The following HADHA variants were observed in gnomAD, a reference collection of about 807,000 sequenced individuals.
HADHA encodes the protein trifunctional enzyme subunit alpha, mitochondrial.
A neutral mutation model predicts 91.3 loss-of-function variants in HADHA; 59 were observed. That is an observed-to-expected ratio of 0.65 (90% CI 0.52 to 0.80). HADHA has a LOEUF of 0.80. Ranked by LOEUF, HADHA falls within the 30% of genes least tolerant of loss-of-function variation. HADHA has a pLI of 0.00. For missense variants in HADHA, 800 were observed against 927.6 expected, an observed-to-expected ratio of 0.86 and a Z score of 1.79; for synonymous variants, 320 against 338.9, an observed-to-expected ratio of 0.94 and a Z score of 0.61.
intron 7 of HADHA, among the ~76,000 whole-genome samples, chr2:26,219,834 C>A (rs377106284): frequency 6.6e-6 from 1 of 152,298 alleles, no homozygotes; most frequent in Non-Finnish European, 1.5e-5. Flanking sequence ...AGTCTACTAA[C>A]TCTTACTTGA....
At chr2:26,202,497 T>C (rs553369811) in intron 12 of HADHA, among the ~76,000 whole-genome samples, 6 of 152,240 alleles carry the variant, frequency 3.9e-5, no homozygotes, top group African/African-American at 1.2e-4. Context: ...TCCCAGCACT[T>C]TGGGAGGCTG....
chr2:26,244,153 G>T (rs1671007763), intron 1 of HADHA, among the ~76,000 whole-genome samples: 2 of 152,250 alleles, frequency 1.3e-5, no homozygotes, highest in Admixed American at 1.3e-4. Context: ...CTTGTTGCGG[G>T]GCAAGGTGCT....
chr2:26,190,953 T>G lies in HADHA; in HGVS notation c.*297A>C. 3.9e-6 allele frequency: 2 copies of G among 513,664 alleles called. No individual in the cohort carries two copies. 31.8% of individuals were successfully genotyped at this position (513,664 alleles called of 1,614,324 possible). Reference sequence around the variant, plus strand: ...ACCACCCCTGGCCACCCTGGCCTCTTGGGAGGAACAGGCAGAGAGGTGGCT... The same window carrying G: ...ACCACCCCTGGCCACCCTGGCCTCTGGGGAGGAACAGGCAGAGAGGTGGCT... On this transcript the variant is annotated 3_prime_UTR_variant, in exon 20 of 20. Coordinates refer to ENST00000380649, the MANE Select transcript of HADHA (RefSeq NM_000182.5).
At chr2:26,203,150 A>G (rs1669887425) in intron 12 of HADHA, among the ~76,000 whole-genome samples, 1 of 152,260 alleles carries the variant, frequency 6.6e-6, no homozygotes, top group Non-Finnish European at 1.5e-5. Flanking sequence ...ACAACTTGTT[A>G]TCTTACAATA....
rs1348750493 is a variant in HADHA at position 26,194,595 on chromosome 2, A to C, written c.1664T>G (p.Met555Arg). 7 of 1,612,410 alleles carry C rather than the reference A, an allele frequency of 4.3e-6. No homozygotes were observed. The highest frequency in any genetic ancestry group is 5.9e-6 in the Non-Finnish European group (7 of 1,178,460). Reference sequence around the variant, plus strand: ...CTGGAGGATTCGGATGACTTCAGACATCATGGGCGCAAGACACCTGGTAGT... The same window carrying C: ...CTGGAGGATTCGGATGACTTCAGACCTCATGGGCGCAAGACACCTGGTAGT... ...FYTTRCLAPM[M>R]SEVIRILQEG... The change falls in exon 16 of 20, where the codon ATG (methionine) becomes AGG (arginine). Residue 555 changes from methionine (M) to arginine (R), a missense_variant. Met to Arg is a moderately conservative substitution (Grantham distance 91). Transcript: ENST00000380649.
chr2:26,225,630 A>T (rs545126571), intron 7 of HADHA, among the ~76,000 whole-genome samples: 5 of 152,308 alleles, frequency 3.3e-5, no homozygotes, highest in African/African-American at 1.2e-4. Flanking sequence ...TAATAGACTA[A>T]AAAAGAAGAA....
chr2:26,204,305 T>C, intron 11 of HADHA, 109 bp from the exon 12 acceptor site: 1 of 927,006 alleles, frequency 1.1e-6, no homozygotes, highest in Non-Finnish European at 1.8e-6. Flanking sequence ...GGCACAACTA[T>C]AAGGTGTTTC....
intron 11 of HADHA, among the ~76,000 whole-genome samples, chr2:26,208,365 G>C (rs1670016600): frequency 6.6e-6 from 1 of 152,054 alleles, no homozygotes; most frequent in Non-Finnish European, 1.5e-5. Flanking sequence ...TTTCCAAGGG[G>C]TATTTTATTG....
intron 7 of HADHA, among the ~76,000 whole-genome samples, chr2:26,222,430 A>C (rs1216729569): frequency 6.6e-6 from 1 of 152,220 alleles, no homozygotes; most frequent in Non-Finnish European, 1.5e-5. Context: ...TGAATAGGCA[A>C]ATAATGTGAA....
intron 14 of HADHA, among the ~76,000 whole-genome samples, chr2:26,197,198 A>G (rs1480706434): frequency 1.3e-5 from 2 of 152,160 alleles, no homozygotes; most frequent in African/African-American, 4.8e-5. Flanking sequence ...GCAAAAATAA[A>G]TTTCTGGGCA....
intron 1 of HADHA, among the ~76,000 whole-genome samples, 179 bp downstream of exon 1, chr2:26,244,351 G>A (rs1671018617): frequency 6.6e-6 from 1 of 152,224 alleles, no homozygotes. Flanking sequence ...TCGTGAGAGG[G>A]GAAGTGACAG....
At chr2:26,231,765 A>C (rs991207761) in intron 6 of HADHA, among the ~76,000 whole-genome samples, 4 of 151,980 alleles carry the variant, frequency 2.6e-5, no homozygotes, top group Admixed American at 1.3e-4. Flanking sequence ...TCGGGAGTTC[A>C]AGACCAGCCT....
At chr2:26,194,466 G>A (rs536948255) in intron 16 of HADHA, 104 bp downstream of exon 16, 277 of 790,444 alleles carry the variant, frequency 3.5e-4, no homozygotes, top group Non-Finnish European at 5.2e-4. Flanking sequence ...AAGAGCAGGA[G>A]TTGGTGTATC....
In HADHA at chr2:26,193,779, A is replaced by C; in HGVS notation, c.1690-7T>G. On this transcript the variant is annotated splice_polypyrimidine_tract_variant and splice_region_variant and intron_variant, in intron 16 of 19. Transcript: ENST00000380649. The stretch of plus-strand genomic sequence containing the variant: ...TCTTCGGGTCAACTCCTTCCTGAAC[A>C]GGAAGCGATGCAGGGACCTCAGGGG... 6.2e-7 allele frequency: 1 copy of C among 1,613,428 alleles called. No individual in the cohort carries two copies. The highest frequency in any genetic ancestry group is 8.5e-7 in the Non-Finnish European group (1 of 1,179,352).
chr2:26,229,238 A>C lies in HADHA; in HGVS notation c.676+954T>G, dbSNP rs1486533543. On this transcript the variant is annotated intron_variant, in intron 7 of 19. Coordinates refer to ENST00000380649, the MANE Select transcript of HADHA (RefSeq NM_000182.5). This position sits in a 1 kb window ranked among gnomAD's most constrained non-coding sequence, Gnocchi z 4.3. ...CTGTGGTCTCAGCTACTCGGGGGGC[A>C]CAAGTGGGAAGATCATTTGAGCCCA... 6.6e-6 allele frequency among the ~76,000 whole-genome samples: 1 copy of C among 151,978 alleles called. No individual in the cohort carries two copies.
At position 26,214,300 on chromosome 2, in the gene HADHA, T is replaced by G. The variant is rs1411432345; in HGVS notation, c.918+143A>C. ...TGAGTCCTTACAGCTTGCTATGCCC[T>G]TCCCTTATTTTTGGTAAATACTTTA... On this transcript the variant is annotated intron_variant, in intron 9 of 19. Coordinates refer to ENST00000380649, the MANE Select transcript of HADHA (RefSeq NM_000182.5). The surrounding 1 kb of genome is among the most constrained non-coding windows in gnomAD (Gnocchi z 4.1). The G allele has an allele frequency of 1.6e-5, 12 of 740,816 alleles. No individual in the cohort carries two copies. The highest frequency in any genetic ancestry group is 3.7e-5 in the Admixed American group (2 of 54,310). The allele number at this position is 740,816 out of a possible 1,614,324, so 45.9% of individuals were successfully genotyped here.
chr2:26,211,423 G>A (rs1670097729), intron 10 of HADHA, among the ~76,000 whole-genome samples: 1 of 151,904 alleles, frequency 6.6e-6, no homozygotes, highest in African/African-American at 2.4e-5. Flanking sequence ...CTTTTTGAGT[G>A]CCAACATGAT....
chr2:26,243,079 T>A lies in HADHA; in HGVS notation c.67+1451A>T, dbSNP rs1231189138. 2.0e-5 allele frequency: 3 copies of A among 152,200 alleles called. No individual in the cohort carries two copies. The East Asian group carries it at 5.8e-4, about 29-fold the overall frequency. The allele number at this position is 152,200 out of a possible 1,614,324, so 9.4% of individuals were successfully genotyped here. A position where few individuals can be genotyped will look rare whatever the true frequency, so the allele number is the denominator to read the frequency against. On this transcript the variant is annotated intron_variant, in intron 1 of 19. Coordinates refer to ENST00000380649, the MANE Select transcript of HADHA (RefSeq NM_000182.5). ...ACAATGTTTATTAATTGCTCTGTCA[T>A]GCTACTTCTCATGCAAAGGAAATCC...
At chr2:26,207,773 A>G (rs980847085) in intron 11 of HADHA, among the ~76,000 whole-genome samples, 1 of 151,998 alleles carries the variant, frequency 6.6e-6, no homozygotes, top group African/African-American at 2.4e-5. Context: ...GTAGCTCAGT[A>G]TTTTTTTTCA....
Sources: allele counts gnomAD v4.1 joint callset (sites outside exome capture counted in the v4.1 genomes callset), GRCh38; gene constraint gnomAD v4.1.1; non-coding constraint Gnocchi (gnomAD v3.1); transcripts MANE v1.5; gene names NCBI Gene and HGNC (gene_info 2026-07-23, HGNC 2026-07-21).